Variants in CFAP74 observed in about 807,000 individuals in gnomAD.
The protein encoded by CFAP74 is cilia and flagella associated protein 74, also known as cilia- and flagella-associated protein 74.
Under a neutral mutation model 188.9 loss-of-function variants are expected in CFAP74, and 124 were observed. The ratio of observed to expected loss-of-function variants is 0.66; its 90% CI spans 0.57 to 0.76. The LOEUF is 0.76. Among genes scored for constraint, CFAP74 ranks in the 30% least tolerant of loss-of-function variants. The probability of loss-of-function intolerance (pLI) is 0.00; values close to 1 mark genes in which losing one functional copy is unlikely to be tolerated. For missense variants in CFAP74, 2,198 were observed against 2,165.2 expected, an observed-to-expected ratio of 1.02 and a Z score of -0.30; for synonymous variants, 956 against 916.7, an observed-to-expected ratio of 1.04 and a Z score of -0.77.
chr1:1,924,553 A>G, intron 33 of CFAP74, 33 bp from the exon 34 acceptor site: 2 of 1,580,954 alleles, frequency 1.3e-6, no homozygotes, highest in Non-Finnish European at 1.7e-6. Flanking sequence ...ACTGCCCGCC[A>G]GCCCCTGCCT....
intron 11 of CFAP74, 144 bp from the exon 12 acceptor site, chr1:1,966,670 C>T: frequency 3.5e-6 from 2 of 578,234 alleles, no homozygotes; most frequent in Non-Finnish European, 2.6e-6. Context: ...TAGCGGTGCA[C>T]ACGGTTTTGT....
chr1:1,968,729 C>T lies in CFAP74; in HGVS notation c.1151G>A (p.Ser384Asn). The T allele has an allele frequency of 2.5e-6, 4 of 1,614,142 alleles. No homozygotes were observed. Among genetic ancestry groups the T allele is most frequent in the Non-Finnish European group, 3.4e-6 (4 of 1,179,998 alleles). ...CCTCAGGGTCAGCCGGTGCCTGGCA[C>T]TGGTGGGGGGATGCTGTTTCTTCCT... ...EKRKKQHPPT[S>N]ARHRLTLRDK... is the part of the protein sequence containing the mutation. The change falls in exon 11 of 39, where the codon AGT (serine) becomes AAT (asparagine). Residue 384 changes from serine to asparagine, a missense_variant. Physicochemically the swap from Ser to Asn is conservative, Grantham distance 46. Coordinates refer to ENST00000682832, the MANE Select transcript of CFAP74 (RefSeq NM_001304360.2). The surrounding 1 kb of genome is among the most constrained non-coding windows in gnomAD (Gnocchi z 4.3).
chr1:1,981,492 G>A (rs1656848416), intron 6 of CFAP74, among the ~76,000 whole-genome samples: 1 of 133,918 alleles, frequency 7.5e-6, no homozygotes, highest in African/African-American at 3.0e-5. Flanking sequence ...GCGGGGGCAC[G>A]CAGGACACCC....
At chr1:1,961,864 C>T (rs1655113093) in intron 14 of CFAP74, among the ~76,000 whole-genome samples, 3 of 152,196 alleles carry the variant, frequency 2.0e-5, no homozygotes. Context: ...TCACAGCCTC[C>T]ACAAGAAAAT....
At chr1:1,955,207 A>C in intron 18 of CFAP74, 1 of 1,289,112 alleles carries the variant, frequency 7.8e-7, no homozygotes, top group South Asian at 1.2e-5. Flanking sequence ...TATGTGGGAA[A>C]ACGATCAAGA....
At position 1,958,543 on chromosome 1, in the gene CFAP74, G is replaced by T. The variant is rs184690084; in HGVS notation, c.1851+577C>A. On this transcript the variant is annotated intron_variant, in intron 16 of 38. Coordinates refer to ENST00000682832, the MANE Select transcript of CFAP74 (RefSeq NM_001304360.2). Reference sequence around the variant, plus strand: ...CCAATTACTCGGCGGGGGCCGGGGGGACAATGATGTGTGGGTTCCTGGTTT... The same window carrying T: ...CCAATTACTCGGCGGGGGCCGGGGGTACAATGATGTGTGGGTTCCTGGTTT... Among the ~76,000 whole-genome samples, 889 of 152,356 alleles carry T rather than the reference G, an allele frequency of 5.8e-3. 10 individuals carry two copies. Among genetic ancestry groups the T allele is most frequent in the African/African-American group, 0.02 (834 of 41,580 alleles).
rs776435415 is a variant in CFAP74, at chr1:1,963,716, C to G, written c.1694+33G>C. 4 of 1,412,712 alleles carry G rather than the reference C, an allele frequency of 2.8e-6. No homozygotes were observed. The South Asian group carries it at 4.6e-5, about 16-fold the overall frequency. The allele number at this position is 1,412,712 out of a possible 1,614,324, so 87.5% of individuals were successfully genotyped here. ...CTATGAACCTCCTGCTGTCCCTGCA[C>G]CGCGTCCCTCCCTGTCTGAGCCGTC... On this transcript the variant is annotated intron_variant, in intron 14 of 38. Coordinates refer to ENST00000682832, the MANE Select transcript of CFAP74 (RefSeq NM_001304360.2).
intron 38 of CFAP74, 64 bp downstream of exon 38, chr1:1,922,525 G>T: frequency 6.3e-7 from 1 of 1,587,470 alleles, no homozygotes; most frequent in Non-Finnish European, 8.6e-7. Flanking sequence ...CTGGGCAGGG[G>T]TGTCAGCCCA....
chr1:1,996,815 G>A (rs1258417146), intron 1 of CFAP74, among the ~76,000 whole-genome samples: 2 of 151,494 alleles, frequency 1.3e-5, no homozygotes, highest in East Asian at 3.9e-4. Context: ...CAGCTACTCA[G>A]GAGGCTGAGG....
At chr1:1,934,769 G>A (rs1410325347) in intron 25 of CFAP74, among the ~76,000 whole-genome samples, 2 of 146,852 alleles carry the variant, frequency 1.4e-5, no homozygotes, top group Non-Finnish European at 3.0e-5. Context: ...AGGTACACAC[G>A]TGTGTACGTG....
At position 1,965,019 on chromosome 1, in the gene CFAP74, T is replaced by C; in HGVS notation, c.1444A>G (p.Lys482Glu). 1 of 1,613,820 alleles carries C rather than the reference T, an allele frequency of 6.2e-7. No homozygotes were observed. Among genetic ancestry groups the C allele is most frequent in the South Asian group, 1.1e-5 (1 of 91,042 alleles). ...CGCTCCAGGATGTCCTTGTCCATCT[T>C]TGTCCCGCCCACGGGCTTTCGGTCC... ...DVDRKPVGGT[K>E]MDKDILERTV... Residue 482 changes from lysine to glutamate, a missense_variant, in exon 13 of 39, where the codon AAG becomes GAG. Transcript: ENST00000682832.
At position 1,935,085 on chromosome 1, in the gene CFAP74, T is replaced by C. The variant is rs1256444814; in HGVS notation, c.3011+3770A>G. On this transcript the variant is annotated intron_variant, in intron 25 of 38. Coordinates refer to ENST00000682832, the MANE Select transcript of CFAP74 (RefSeq NM_001304360.2). ...CACACGTGTGTACGTGGGTGTTAGG[T>C]TGTGGGTACACAGGTGTGTACGTGG... 1.7e-4 allele frequency among the ~76,000 whole-genome samples: 13 copies of C among 76,164 alleles called. 2 individuals are homozygous for C. Among genetic ancestry groups the C allele is most frequent in the Non-Finnish European group, 2.7e-4 (10 of 36,644 alleles). 50.0% of individuals were successfully genotyped at this position (76,164 alleles called of 152,430 possible).
intron 18 of CFAP74, among the ~76,000 whole-genome samples, chr1:1,951,642 C>T (rs28505085): frequency 0.23 from 34,817 of 152,094 alleles, 4,420 homozygotes; most frequent in Non-Finnish European, 0.29. Context: ...TCCATATAAA[C>T]GTTATAATCA....
Position 1,924,449 on chromosome 1 carries a change from C to A in CFAP74, c.4176G>T (p.Arg1392=). 6.3e-7 allele frequency: 1 copy of A among 1,576,086 alleles called. No individual in the cohort carries two copies. The change falls in exon 34 of 39, where the codon CGG becomes CGT. Residue 1392 remains arginine, a synonymous_variant. Coordinates refer to ENST00000682832, the MANE Select transcript of CFAP74 (RefSeq NM_001304360.2). ...GGAACTGCGGCAGCTGCTGCTGGCC[C>A]CGGCCCCGGGTGCTGGAGAGGCTGT... ...HLDSLSSTRG[R]GQQQLPQFLS...
chr1:1,949,001 TCCTTCC>T (rs1168016506), intron 18 of CFAP74, among the ~76,000 whole-genome samples: 5 of 26,530 alleles, frequency 1.9e-4, no homozygotes, highest in Admixed American at 4.2e-4. Context: ...TTCATTCCCT[TCCTTCC>T]CCTTCCCCTT....
intron 9 of CFAP74, among the ~76,000 whole-genome samples, chr1:1,971,270 C>T (rs973211908): frequency 3.4e-5 from 5 of 147,044 alleles, no homozygotes; most frequent in Admixed American, 1.3e-4. Context: ...CACACACATG[C>T]AAACCTGCAC....
chr1:1,962,320 C>CA (rs1279078943), intron 14 of CFAP74, among the ~76,000 whole-genome samples: 7 of 151,388 alleles, frequency 4.6e-5, no homozygotes, highest in Admixed American at 1.3e-4. Flanking sequence ...TACTAAAATA[C>CA]AAAAAATTAA....
intron 25 of CFAP74, among the ~76,000 whole-genome samples, chr1:1,933,060 G>C (rs559197186): frequency 6.7e-6 from 1 of 149,414 alleles, no homozygotes; most frequent in African/African-American, 2.5e-5. Flanking sequence ...TAATTTTTTT[G>C]TATTTTTAGT....
At position 1,926,486 on chromosome 1, in the gene CFAP74, TGGA is replaced by T; in HGVS notation, c.3796_3798del (p.Ser1266del). The T allele has an allele frequency of 6.5e-7, 1 of 1,550,042 alleles. No individual in the cohort carries two copies. The highest frequency in any genetic ancestry group is 8.7e-7 in the Non-Finnish European group (1 of 1,146,798). ...AGATCCTCGGGAGAGACGTTCTGGA[TGGA>T]GATCTTCTTGATACTGCGGTGCCCT... is the stretch of plus-strand genomic sequence containing the variant. On this transcript the variant is annotated inframe_deletion, in exon 31 of 39. Coordinates refer to ENST00000682832, the MANE Select transcript of CFAP74 (RefSeq NM_001304360.2).
Sources: gnomAD v4.1 joint callset for allele counts (sites outside exome capture counted in the v4.1 genomes callset) on GRCh38, gnomAD v4.1.1 for gene constraint, Gnocchi (gnomAD v3.1) non-coding constraint, MANE v1.5 for transcripts, NCBI Gene and HGNC (gene_info 2026-07-23, HGNC 2026-07-21) for gene names.